Variants in ZNF649 observed in about 807,000 individuals in gnomAD.
ZNF649 encodes zinc finger protein 649.
Under a neutral mutation model 14.1 loss-of-function variants are expected in ZNF649, and 7 were observed. That is an observed-to-expected ratio of 0.49 (90% CI 0.28 to 0.93). ZNF649 has a LOEUF of 0.93. Among genes scored for constraint, ZNF649 ranks in the 40% least tolerant of loss-of-function variants. ZNF649 has a pLI of 0.10. For missense variants in ZNF649, 544 were observed against 608.1 expected, an observed-to-expected ratio of 0.89 and a Z score of 1.11; for synonymous variants, 227 against 212.3, an observed-to-expected ratio of 1.07 and a Z score of -0.60.
rs1247943896 is a variant in ZNF649, at chr19:51,891,258, C to A, written c.878G>T (p.Ser293Ile). The A allele has an allele frequency of 6.2e-7, 1 of 1,614,238 alleles. No homozygotes were observed. Among genetic ancestry groups the A allele is most frequent in the Non-Finnish European group, 8.5e-7 (1 of 1,180,040 alleles). Residue 293 changes from serine (S) to isoleucine (I), a missense_variant, in exon 5 of 5, where the codon AGC becomes ATC. Physicochemically the swap from Ser to Ile is moderately radical, Grantham distance 142. Transcript: ENST00000354957. This position sits in a 1 kb window ranked among gnomAD's most constrained non-coding sequence, Gnocchi z 4.2. ...TCTGGAGAAAGCTCTCCCACATTCG[C>A]TGCATTGATGGGGCTTAATTCCCGT... ...IHTGIKPHQC[S>I]ECGRAFSRKS...
At chr19:51,897,882 G>A (rs889627122) in intron 2 of ZNF649, among the ~76,000 whole-genome samples, 5 of 152,088 alleles carry the variant, frequency 3.3e-5, no homozygotes, top group African/African-American at 7.2e-5. Flanking sequence ...AGCACTTTGG[G>A]AGGCAAAGGT....
Position 51,891,086 on chromosome 19 carries a change from G to C in ZNF649, c.1050C>G (p.Asp350Glu), listed in dbSNP as rs1009251834. The part of the protein sequence containing the change: ...HTGEKPYGCI[D>E]CGKAFSQKSC... ...ACTTCTGGCTGAAGGCCTTGCCACA[G>C]TCAATGCATCCATAAGGTTTCTCTC... Residue 350 changes from aspartate (D) to glutamate (E), a missense_variant, in exon 5 of 5, where the codon GAC becomes GAG. Transcript: ENST00000354957. The surrounding 1 kb of genome is among the most constrained non-coding windows in gnomAD (Gnocchi z 4.2). 3 of 1,614,086 alleles carry C rather than the reference G, an allele frequency of 1.9e-6. No homozygotes were observed. The highest frequency in any genetic ancestry group is 2.5e-6 in the Non-Finnish European group (3 of 1,180,038).
intron 2 of ZNF649, among the ~76,000 whole-genome samples, chr19:51,898,559 A>T (rs753406521): frequency 2.0e-5 from 3 of 151,790 alleles, no homozygotes; most frequent in Admixed American, 6.6e-5. Context: ...CCACTTCCAC[A>T]TGTGATCTCC....
chr19:51,902,701 A>AATCATCAGAATTCTCGATTTGGT (rs2085101391), intron 1 of ZNF649, among the ~76,000 whole-genome samples: 1 of 150,168 alleles, frequency 6.7e-6, no homozygotes. Context: ...CTCGATTTGG[A>AATCATCAGAATTCTCGATTTGGT]ATCATCAGAA....
chr19:51,901,628 G>C (rs370015494), intron 1 of ZNF649, among the ~76,000 whole-genome samples: 4 of 151,906 alleles, frequency 2.6e-5, no homozygotes, highest in African/African-American at 7.3e-5. Context: ...CTGGGCAACA[G>C]AGCAAGACCC....
rs188670497 is a variant in ZNF649, at chr19:51,892,271, G to A, written c.239-374C>T. ...CGTGCCTGTAGTCCCAGCTACTCAG[G>A]AGGTTGAGGCAGGAAAATCGCTTGA... is the stretch of plus-strand genomic sequence containing the variant. On this transcript the variant is annotated intron_variant, in intron 4 of 4. Transcript: ENST00000354957. 2.3e-3 allele frequency among the ~76,000 whole-genome samples: 354 copies of A among 152,078 alleles called. 2 individuals are homozygous for A. The highest frequency in any genetic ancestry group is 4.2e-3 in the Non-Finnish European group (284 of 68,000).
chr19:51,898,799 G>A (rs1006639180), intron 2 of ZNF649, among the ~76,000 whole-genome samples: 6 of 151,980 alleles, frequency 3.9e-5, no homozygotes, highest in African/African-American at 1.5e-4. Flanking sequence ...TGTGGTTCCA[G>A]CTACTCAGGA....
chr19:51,901,250 AT>A, intron 1 of ZNF649, among the ~76,000 whole-genome samples: 2 of 152,304 alleles, frequency 1.3e-5, no homozygotes, highest in East Asian at 3.9e-4. Context: ...TTCAGGATAA[AT>A]CACATTGTTT....
At chr19:51,893,859 T>C (rs1368075384) in intron 4 of ZNF649, among the ~76,000 whole-genome samples, 1 of 152,186 alleles carries the variant, frequency 6.6e-6, no homozygotes, top group Non-Finnish European at 1.5e-5. Flanking sequence ...TTGAGGCAGC[T>C]TTACTTTTAG....
chr19:51,891,130 G>GT lies in ZNF649; in HGVS notation c.1005dup (p.His336ThrfsTer15). ...TTCTCTCCAGTGTGAGTTCGTTGATGTATGTTGAGATTGCCCTTCTGAATG... is the reference window on the plus strand; with the variant it reads ...TTCTCTCCAGTGTGAGTTCGTTGATGTTATGTTGAGATTGCCCTTCTGAATG... On this transcript the variant is annotated frameshift_variant, in exon 5 of 5. Transcript: ENST00000354957. LOFTEE classifies it low-confidence loss of function (END_TRUNC). The surrounding 1 kb of genome is among the most constrained non-coding windows in gnomAD (Gnocchi z 4.2). 3 of 1,614,164 alleles carry GT rather than the reference G, an allele frequency of 1.9e-6. No homozygotes were observed. Among genetic ancestry groups the GT allele is most frequent in the Non-Finnish European group, 2.5e-6 (3 of 1,180,006 alleles).
chr19:51,896,095 T>A (rs2085060723), intron 4 of ZNF649: 1 of 202,698 alleles, frequency 4.9e-6, no homozygotes, highest in Non-Finnish European at 1.0e-5. Context: ...ATATATCCAG[T>A]GGCATAAATG....
Position 51,891,880 on chromosome 19 carries a change from C to A in ZNF649, c.256G>T (p.Asp86Tyr). ...TTTTGCAAGGGCTGCTGCAGATGAT[C>A]ATCAGCTTTCTCAATTTCTAAGAGA... ...PAHPEIEKAD[D>Y]HLQQPLQNQK... Residue 86 changes from aspartate to tyrosine, a missense_variant, in exon 5 of 5, where the codon GAT becomes TAT. Transcript: ENST00000354957. This position sits in a 1 kb window ranked among gnomAD's most constrained non-coding sequence, Gnocchi z 4.2. The A allele has an allele frequency of 1.3e-6, 2 of 1,562,486 alleles. No individual in the cohort carries two copies. Among genetic ancestry groups the A allele is most frequent in the Non-Finnish European group, 8.6e-7 (1 of 1,161,518 alleles).
In ZNF649 at chr19:51,891,112, C is replaced by T; in HGVS notation, c.1024G>A (p.Gly342Arg). 1 of 1,614,178 alleles carries T rather than the reference C, an allele frequency of 6.2e-7. No individual in the cohort carries two copies. Among genetic ancestry groups the T allele is most frequent in the Middle Eastern group, 1.6e-4 (1 of 6,062 alleles). ...TCAATGCATCCATAAGGTTTCTCTC[C>T]AGTGTGAGTTCGTTGATGTATGTTG... ...NLNIHQRTHT[G>R]EKPYGCIDCG... is the part of the protein sequence containing the mutation. The change falls in exon 5 of 5, where the codon GGA becomes AGA. Residue 342 changes from glycine to arginine, a missense_variant. Coordinates refer to ENST00000354957, the MANE Select transcript of ZNF649 (RefSeq NM_023074.4). The surrounding 1 kb of genome is among the most constrained non-coding windows in gnomAD (Gnocchi z 4.2).
intron 2 of ZNF649, 135 bp downstream of exon 2, chr19:51,899,958 G>A (rs2085085770): frequency 3.2e-6 from 2 of 634,204 alleles, no homozygotes; most frequent in Middle Eastern, 3.7e-4. Flanking sequence ...CTGGATTAAA[G>A]GTACAGTCTA....
intron 4 of ZNF649, among the ~76,000 whole-genome samples, chr19:51,895,041 T>G (rs944054132): frequency 1.3e-5 from 2 of 152,184 alleles, no homozygotes; most frequent in Non-Finnish European, 2.9e-5. Context: ...AATGCATGAA[T>G]GACCAAGATG....
intron 2 of ZNF649, among the ~76,000 whole-genome samples, chr19:51,897,438 T>C (rs10404812): frequency 0.2 from 31,137 of 152,046 alleles, 3,766 homozygotes; most frequent in South Asian, 0.38. Flanking sequence ...AACATGAGAA[T>C]GTCTGCAGTG....
chr19:51,891,618 TTG>T lies in ZNF649; in HGVS notation c.516_517del (p.His172GlnfsTer7), dbSNP rs1205851101. 1 of 1,614,232 alleles carries T rather than the reference TTG, an allele frequency of 6.2e-7. No homozygotes were observed. The highest frequency in any genetic ancestry group is 1.1e-5 in the South Asian group (1 of 91,090). On this transcript the variant is annotated frameshift_variant, in exon 5 of 5. Coordinates refer to ENST00000354957, the MANE Select transcript of ZNF649 (RefSeq NM_023074.4). LOFTEE classifies it low-confidence loss of function (END_TRUNC). The surrounding 1 kb of genome is among the most constrained non-coding windows in gnomAD (Gnocchi z 4.2). ...AGTGCATTCATGGGCTTTCTCTATG[TTG>T]TGTGTTTGCTGATGTTTAAGGAATT...
At chr19:51,896,252 C>T (rs767697292) in intron 4 of ZNF649, 29 of 387,326 alleles carry the variant, frequency 7.5e-5, no homozygotes, top group Admixed American at 1.2e-4. Context: ...AACTCAACAT[C>T]TAAGAAGAAA....
Position 51,891,763 on chromosome 19 carries a change from TG to T in ZNF649, c.372del (p.Tyr124Ter). ...YLGLTNQSRR[Y>X]NRKEPAEFNG... ...TTAAACTCAGCAGGCTCCTTTCTGTTGTATCTTCTGCTCTGGTTGGTTAAAC... is the reference window on the plus strand; with the variant it reads ...TTAAACTCAGCAGGCTCCTTTCTGTTTATCTTCTGCTCTGGTTGGTTAAAC... On this transcript the variant is annotated frameshift_variant, in exon 5 of 5. Transcript: ENST00000354957. LOFTEE classifies it low-confidence loss of function (END_TRUNC). This position sits in a 1 kb window ranked among gnomAD's most constrained non-coding sequence, Gnocchi z 4.2. 3.1e-6 allele frequency: 5 copies of T among 1,614,128 alleles called. No homozygotes were observed. The highest frequency in any genetic ancestry group is 4.2e-6 in the Non-Finnish European group (5 of 1,180,024).
Sources: allele counts gnomAD v4.1 joint callset (sites outside exome capture counted in the v4.1 genomes callset), GRCh38; gene constraint gnomAD v4.1.1; non-coding constraint Gnocchi (gnomAD v3.1); transcripts MANE v1.5; gene names NCBI Gene and HGNC (gene_info 2026-07-23, HGNC 2026-07-21).